The following SMIM18 variants were observed in gnomAD, a reference collection of about 807,000 sequenced individuals.
The protein encoded by SMIM18 is small integral membrane protein 18.
Under a neutral mutation model 5.9 loss-of-function variants are expected in SMIM18, and 4 were observed. The observed-to-expected ratio is 0.68, with a 90% CI of 0.33 to 1.56. The LOEUF (loss-of-function observed/expected upper bound fraction) is 1.56. SMIM18 is among the 40% of genes most tolerant of loss of function. The pLI, the probability that SMIM18 is intolerant of heterozygous loss-of-function variation, is 0.06. For synonymous variants in SMIM18, 37 were observed against 37.4 expected, an observed-to-expected ratio of 0.99 and a Z score of 0.04; for missense variants, 89 against 109.7, an observed-to-expected ratio of 0.81 and a Z score of 0.84.
chr8:30,641,347 T>C (rs1007357131), intron 1 of SMIM18, among the ~76,000 whole-genome samples: 1 of 152,156 alleles, frequency 6.6e-6, no homozygotes, highest in Non-Finnish European at 1.5e-5. Context: ...ATAGTTATTA[T>C]TAAAAGCGTA....
intron 1 of SMIM18, among the ~76,000 whole-genome samples, chr8:30,639,347 T>A (rs1801727680): frequency 6.6e-6 from 1 of 152,174 alleles, no homozygotes; most frequent in South Asian, 2.1e-4. Context: ...TAATATAAAG[T>A]CATGCTATTA....
In SMIM18 at chr8:30,645,982, T is replaced by C. The variant is rs896464804; in HGVS notation, c.*385T>C. On this transcript the variant is annotated 3_prime_UTR_variant, in exon 3 of 3. Transcript: ENST00000517349. The stretch of plus-strand genomic sequence containing the variant: ...TAGTGTGTTGGTAACAAAAAGGCTA[T>C]TTAAAACATGTTTCTAAGTCTGAAG... The C allele has an allele frequency of 1.2e-5, 2 of 161,280 alleles. No homozygotes were observed. The highest frequency in any genetic ancestry group is 2.7e-5 in the Non-Finnish European group (2 of 73,888). The allele number at this position is 161,280 out of a possible 1,614,324, so 10.0% of individuals were successfully genotyped here.
At position 30,645,758 on chromosome 8, in the gene SMIM18, G is replaced by A. The variant is rs1802052296; in HGVS notation, c.*161G>A. On this transcript the variant is annotated 3_prime_UTR_variant, in exon 3 of 3. Transcript: ENST00000517349. ...AAAAAGTTAAACATGCACTGTTTGT[G>A]TGTATAGCCATTTCATTAAATATAC... 4 of 642,750 alleles carry A rather than the reference G, an allele frequency of 6.2e-6. No individual in the cohort carries two copies. In the South Asian group the frequency reaches 8.8e-5, roughly 14 times the overall value. 39.8% of individuals were successfully genotyped at this position (642,750 alleles called of 1,614,324 possible). A position where few individuals can be genotyped will look rare whatever the true frequency, so the allele number is the denominator to read the frequency against.
At chr8:30,639,506 C>T (rs989014965) in intron 1 of SMIM18, among the ~76,000 whole-genome samples, 3 of 151,758 alleles carry the variant, frequency 2.0e-5, no homozygotes, top group African/African-American at 7.3e-5. Flanking sequence ...AAAAATATGT[C>T]CTAAGAAGAA....
At chr8:30,640,389 A>G (rs1344322349) in intron 1 of SMIM18, among the ~76,000 whole-genome samples, 1 of 152,142 alleles carries the variant, frequency 6.6e-6, no homozygotes, top group Non-Finnish European at 1.5e-5. Flanking sequence ...GGGAGTAAAC[A>G]TATCAAATGG....
At position 30,640,877 on chromosome 8, in the gene SMIM18, G is replaced by T. The variant is rs1183223986; in HGVS notation, c.-111+2238G>T. 2.0e-5 allele frequency among the ~76,000 whole-genome samples: 3 copies of T among 152,256 alleles called. No homozygotes were observed. In the East Asian group the frequency reaches 5.8e-4, roughly 29 times the overall value. On this transcript the variant is annotated intron_variant, in intron 1 of 2. Coordinates refer to ENST00000517349, the MANE Select transcript of SMIM18 (RefSeq NM_001206847.2). ...CCGCCACCACAACTGGCTAATTTTT[G>T]TGTTTTTAGCAGAGACGGAGTTTCG...
chr8:30,645,537 AC>A lies in SMIM18; in HGVS notation c.231del (p.Asn78ThrfsTer6), dbSNP rs1563508792. 6.5e-7 allele frequency: 1 copy of A among 1,535,678 alleles called. No individual in the cohort carries two copies. The highest frequency in any genetic ancestry group is 8.7e-7 in the Non-Finnish European group (1 of 1,146,886). On this transcript the variant is annotated frameshift_variant, in exon 3 of 3. Transcript: ENST00000517349. LOFTEE classifies it high-confidence loss of function. ...AAACCGTGAAAGACTTGAAAAGTGA[AC>A]CCAACCCTCTTAGAAGTATGATGGA... Reference protein sequence around the residue: ...NKTVKDLKSEPNPLRSMMDNI... With the variant: ...NKTVKDLKSEXNPLRSMMDNI...
At chr8:30,639,565 TC>T (rs1801737472) in intron 1 of SMIM18, among the ~76,000 whole-genome samples, 1 of 152,180 alleles carries the variant, frequency 6.6e-6, no homozygotes, top group Non-Finnish European at 1.5e-5. Context: ...AAGATTATCT[TC>T]GTGGCTCAGA....
Position 30,645,269 on chromosome 8 carries a change from C to T in SMIM18, c.-29-12C>T, listed in dbSNP as rs1284781660. Reference sequence around the variant, plus strand: ...GTTTGCTACATAAATTCATTTTCTACCTTTTTTATAGATTCAAAAGAGCAA... The same window carrying T: ...GTTTGCTACATAAATTCATTTTCTATCTTTTTTATAGATTCAAAAGAGCAA... On this transcript the variant is annotated splice_polypyrimidine_tract_variant and intron_variant, in intron 2 of 2. Coordinates refer to ENST00000517349, the MANE Select transcript of SMIM18 (RefSeq NM_001206847.2). 1.4e-5 allele frequency: 21 copies of T among 1,498,226 alleles called. No homozygotes were observed. The East Asian group carries it at 4.9e-4, about 35-fold the overall frequency. The allele number at this position is 1,498,226 out of a possible 1,614,324, so 92.8% of individuals were successfully genotyped here.
chr8:30,641,483 C>T (rs1298287325), intron 1 of SMIM18, among the ~76,000 whole-genome samples: 1 of 152,164 alleles, frequency 6.6e-6, no homozygotes, highest in Non-Finnish European at 1.5e-5. Context: ...CCACCTGAGC[C>T]TCCCAAGTAG....
rs909575093 is a variant in SMIM18 at position 30,645,516 on chromosome 8, C to T, written c.207C>T (p.Thr69=). 7.8e-6 allele frequency: 12 copies of T among 1,535,556 alleles called. 1 individual carries two copies. Among genetic ancestry groups the T allele is most frequent in the South Asian group, 7.1e-5 (6 of 84,048 alleles). Residue 69 remains threonine (T), a synonymous_variant, in exon 3 of 3, where the codon ACC becomes ACT. Transcript: ENST00000517349. ...LDCCCCVKNK[T]VKDLKSEPNP... ...GCTGCTGCTGTGTAAAAAACAAAAC[C>T]GTGAAAGACTTGAAAAGTGAACCCA...
intron 1 of SMIM18, among the ~76,000 whole-genome samples, chr8:30,642,936 C>A (rs569044547): frequency 1.3e-5 from 2 of 152,182 alleles, no homozygotes; most frequent in East Asian, 3.9e-4. Flanking sequence ...TCACTTATAC[C>A]TCAAAAGTAG....
chr8:30,639,879 C>T (rs779958180), intron 1 of SMIM18, among the ~76,000 whole-genome samples: 5 of 151,764 alleles, frequency 3.3e-5, no homozygotes, highest in Admixed American at 6.6e-5. Flanking sequence ...CTAGATCTGT[C>T]CAGGTTCAGC....
intron 1 of SMIM18, among the ~76,000 whole-genome samples, chr8:30,638,891 T>C (rs1801706123): frequency 6.6e-6 from 1 of 152,218 alleles, no homozygotes; most frequent in Non-Finnish European, 1.5e-5. Flanking sequence ...CTGATCTATA[T>C]CCAGACCTCA....
chr8:30,638,856 A>C (rs1279221864), intron 1 of SMIM18, among the ~76,000 whole-genome samples: 1 of 152,196 alleles, frequency 6.6e-6, no homozygotes, highest in Non-Finnish European at 1.5e-5. Flanking sequence ...GCCTTAATGG[A>C]AAATTCATTA....
rs1188174010 is a variant in SMIM18 at position 30,645,161 on chromosome 8, G to C, written c.-29-120G>C. ...CAAAAAAATTCAAAACTACCATTTA[G>C]GCATTAATTAAGGAAGATTCATGTT... On this transcript the variant is annotated intron_variant, in intron 2 of 2. Coordinates refer to ENST00000517349, the MANE Select transcript of SMIM18 (RefSeq NM_001206847.2). The C allele has an allele frequency of 1.4e-5, 12 of 857,996 alleles. No homozygotes were observed. The South Asian group carries it at 2.1e-4, about 15-fold the overall frequency. 53.1% of individuals were successfully genotyped at this position (857,996 alleles called of 1,614,324 possible). A position where few individuals can be genotyped will look rare whatever the true frequency, so the allele number is the denominator to read the frequency against.
chr8:30,639,548 A>G (rs1287714528), intron 1 of SMIM18, among the ~76,000 whole-genome samples: 1 of 152,198 alleles, frequency 6.6e-6, no homozygotes, highest in Admixed American at 6.5e-5. Context: ...GTACCTTTCT[A>G]GGTAACAAGA....
rs549388267 is a variant in SMIM18, at chr8:30,639,152, TTTTGC to T, written c.-111+518_-111+522del. 1.2e-4 allele frequency among the ~76,000 whole-genome samples: 19 copies of T among 152,284 alleles called. No homozygotes were observed. In the South Asian group the frequency reaches 3.9e-3, roughly 32 times the overall value. On this transcript the variant is annotated intron_variant, in intron 1 of 2. Coordinates refer to ENST00000517349, the MANE Select transcript of SMIM18 (RefSeq NM_001206847.2). ...AGAAAATAGTTCAAAATTATTTTTA[TTTTGC>T]TTTGAATGTAGATGCAGAGAATGCC... is the stretch of plus-strand genomic sequence containing the variant.
At chr8:30,640,393 C>CA (rs1801771808) in intron 1 of SMIM18, among the ~76,000 whole-genome samples, 2 of 152,072 alleles carry the variant, frequency 1.3e-5, no homozygotes, top group South Asian at 4.2e-4. Flanking sequence ...GTAAACATAT[C>CA]AAATGGGAGT....
Sources: gnomAD v4.1 joint callset for allele counts (sites outside exome capture counted in the v4.1 genomes callset) on GRCh38, gnomAD v4.1.1 for gene constraint, MANE v1.5 for transcripts, NCBI Gene and HGNC (gene_info 2026-07-23, HGNC 2026-07-21) for gene names.